Variants in TLE4 observed in about 807,000 individuals in gnomAD.
TLE4 encodes transducin-like enhancer protein 4.
TLE4 carries 8 observed loss-of-function variants against 92.8 expected under a neutral mutation model. The observed-to-expected ratio is 0.09, with a 90% CI of 0.05 to 0.16. TLE4 has a LOEUF of 0.16. Ranked by LOEUF, TLE4 falls within the 10% of genes least tolerant of loss-of-function variation. The probability of loss-of-function intolerance (pLI) is 1.00; values close to 1 mark genes in which losing one functional copy is unlikely to be tolerated. For missense variants in TLE4, 675 were observed against 997.6 expected (o/e 0.68, Z 4.36); for synonymous variants, 371 against 374.1 (o/e 0.99, Z 0.10).
intron 8 of TLE4, among the ~76,000 whole-genome samples, chr9:79,694,601 C>A (rs2067809859): frequency 2.6e-5 from 4 of 152,140 alleles, no homozygotes; most frequent in African/African-American, 9.7e-5. Flanking sequence ...ACAACTGATA[C>A]TAATAATGCT....
chr9:79,627,533 AGGGGC>A, intron 6 of TLE4, 85 bp downstream of exon 6: 1 of 1,373,758 alleles, frequency 7.3e-7, no homozygotes, highest in Non-Finnish European at 1.0e-6. Context: ...GTTCCGCCAA[AGGGGC>A]AAAAAGCAAT....
intron 8 of TLE4, among the ~76,000 whole-genome samples, chr9:79,688,294 A>T (rs551250929): frequency 6.6e-6 from 1 of 152,278 alleles, no homozygotes; most frequent in African/African-American, 2.4e-5. Flanking sequence ...TTCAGGTTAC[A>T]TAGTTTTTGT....
intron 4 of TLE4, among the ~76,000 whole-genome samples, chr9:79,594,050 T>G (rs183279730): frequency 2.8e-4 from 43 of 152,366 alleles, no homozygotes; most frequent in Non-Finnish European, 5.0e-4. Flanking sequence ...TTATAACATG[T>G]TGGTTCCCAG....
At position 79,722,793 on chromosome 9, in the gene TLE4, T is replaced by G. The variant is rs528570858; in HGVS notation, c.2138-166T>G. On this transcript the variant is annotated intron_variant, in intron 18 of 19. Coordinates refer to ENST00000376552, the MANE Select transcript of TLE4 (RefSeq NM_007005.6). The stretch of plus-strand genomic sequence containing the variant: ...CATTAATCCACTTTAACCTTAAGGA[T>G]TAGTGACTCGATTAAATCCAGAAAG... Among the ~76,000 whole-genome samples the G allele has an allele frequency of 1.4e-4, 22 of 152,338 alleles. No individual in the cohort carries two copies. The East Asian group carries it at 3.9e-3, about 27-fold the overall frequency.
chr9:79,602,456 C>T lies in TLE4; in HGVS notation c.253-10200C>T, dbSNP rs185230442. On this transcript the variant is annotated intron_variant, in intron 4 of 19. Transcript: ENST00000376552. The stretch of plus-strand genomic sequence containing the variant: ...GTGACTTTAACTTGAAGCCAATGCT[C>T]ATTTATCATTCCAAAAATCCTAGCG... Among the ~76,000 whole-genome samples the T allele has an allele frequency of 3.5e-4, 53 of 152,280 alleles. 1 individual carries two copies. Among genetic ancestry groups the T allele is most frequent in the Admixed American group, 2.6e-3 (40 of 15,292 alleles).
In TLE4 at chr9:79,720,037, T is replaced by C; in HGVS notation, c.1591-9T>C. 1 of 1,591,080 alleles carries C rather than the reference T, an allele frequency of 6.3e-7. No homozygotes were observed. The highest frequency in any genetic ancestry group is 8.6e-7 in the Non-Finnish European group (1 of 1,162,308). ...ATGAGTAATCTCTTGATGGTTTTTG[T>C]CTCTACAGAACAGGGATAACTACAT... On this transcript the variant is annotated splice_polypyrimidine_tract_variant and intron_variant, in intron 15 of 19. Coordinates refer to ENST00000376552, the MANE Select transcript of TLE4 (RefSeq NM_007005.6).
At chr9:79,692,372 G>A (rs2067257630) in intron 8 of TLE4, among the ~76,000 whole-genome samples, 1 of 152,158 alleles carries the variant, frequency 6.6e-6, no homozygotes, top group South Asian at 2.1e-4. Flanking sequence ...TTGAAAAAGT[G>A]TCCATTACCC....
At chr9:79,674,971 A>C (rs115969685) in intron 8 of TLE4, among the ~76,000 whole-genome samples, 1,810 of 152,290 alleles carry the variant, frequency 0.012, 39 homozygotes, top group African/African-American at 0.041. Flanking sequence ...CAGTAACAGA[A>C]TCCCCCAATT....
chr9:79,690,782 T>TGC (rs2066905720), intron 8 of TLE4, among the ~76,000 whole-genome samples: 3 of 99,490 alleles, frequency 3.0e-5, no homozygotes, highest in Non-Finnish European at 6.4e-5. Flanking sequence ...CTCCTGGCTT[T>TGC]TTTTTTTTTT....
chr9:79,649,674 A>G (rs1373902039), intron 6 of TLE4: 3 of 482,654 alleles, frequency 6.2e-6, no homozygotes, highest in South Asian at 2.5e-5. Flanking sequence ...GAAGAAGCTC[A>G]TTTTAGAACT....
chr9:79,625,396 A>G (rs1216126491), intron 5 of TLE4, among the ~76,000 whole-genome samples: 1 of 152,116 alleles, frequency 6.6e-6, no homozygotes, highest in African/African-American at 2.4e-5. Context: ...GATCGCTTTT[A>G]AATATGCAGC....
chr9:79,643,024 T>C (rs1040654534), intron 6 of TLE4, among the ~76,000 whole-genome samples: 5 of 152,236 alleles, frequency 3.3e-5, no homozygotes, highest in African/African-American at 9.6e-5. Context: ...TCCTTTGTTC[T>C]CTTTATTCTT....
intron 5 of TLE4, among the ~76,000 whole-genome samples, chr9:79,623,667 CAG>C (rs2051660808): frequency 6.7e-6 from 1 of 148,516 alleles, no homozygotes; most frequent in Admixed American, 6.7e-5. Flanking sequence ...AGTAACTTTA[CAG>C]AGTCGTATAA....
At chr9:79,622,746 T>C (rs62569300) in intron 5 of TLE4, among the ~76,000 whole-genome samples, 5,745 of 152,234 alleles carry the variant, frequency 0.038, 212 homozygotes, top group African/African-American at 0.092. Flanking sequence ...AATAAATATT[T>C]GAATGAATGG....
intron 8 of TLE4, among the ~76,000 whole-genome samples, chr9:79,658,799 A>G (rs2060117096): frequency 6.6e-6 from 1 of 152,234 alleles, no homozygotes; most frequent in African/African-American, 2.4e-5. Context: ...AAAGGCATAA[A>G]ATAATAGAAA....
At chr9:79,700,904 CCTT>C (rs1340469017) in intron 8 of TLE4, among the ~76,000 whole-genome samples, 2 of 152,044 alleles carry the variant, frequency 1.3e-5, no homozygotes, top group Non-Finnish European at 2.9e-5. Flanking sequence ...TGTGTTTAAT[CCTT>C]CTAAATTTGT....
intron 4 of TLE4, among the ~76,000 whole-genome samples, chr9:79,602,882 C>CG (rs1233562973): frequency 6.6e-6 from 1 of 151,970 alleles, no homozygotes; most frequent in African/African-American, 2.4e-5. Flanking sequence ...TTCTAGATGC[C>CG]GTTAAGAACA....
At chr9:79,590,154 G>T (rs868076452) in intron 4 of TLE4, among the ~76,000 whole-genome samples, 1 of 152,162 alleles carries the variant, frequency 6.6e-6, no homozygotes, top group Non-Finnish European at 1.5e-5. Flanking sequence ...CCTCTGGCTA[G>T]CTTGGTTAAC....
At chr9:79,575,852 T>C (rs2037589951) in intron 3 of TLE4, 1 of 277,944 alleles carries the variant, frequency 3.6e-6, no homozygotes, top group Admixed American at 5.3e-5. Context: ...CATCAGACTT[T>C]TTTGATGCAT....
Sources: gnomAD v4.1 joint callset for allele counts (sites outside exome capture counted in the v4.1 genomes callset) on GRCh38, gnomAD v4.1.1 for gene constraint, MANE v1.5 for transcripts, NCBI Gene and HGNC (gene_info 2026-07-23, HGNC 2026-07-21) for gene names.